SYN2: variants seen among roughly 807,000 people sequenced by gnomAD.
SYN2 encodes synapsin II.
Under a neutral mutation model 50.9 loss-of-function variants are expected in SYN2, and 19 were observed. The ratio of observed to expected loss-of-function variants is 0.37; its 90% CI spans 0.26 to 0.55. The LOEUF is 0.55. Ranked by LOEUF, SYN2 falls within the 20% of genes least tolerant of loss-of-function variation. The probability of loss-of-function intolerance (pLI) is 0.81; values close to 1 mark genes in which losing one functional copy is unlikely to be tolerated. For missense variants in SYN2, 587 were observed against 576.4 expected (o/e 1.02, Z -0.19); for synonymous variants, 255 against 224.9 (o/e 1.13, Z -1.20).
chr3:12,181,673 AG>A, intron 10 of SYN2, among the ~76,000 whole-genome samples: 1 of 152,234 alleles, frequency 6.6e-6, no homozygotes, highest in Admixed American at 6.5e-5. Flanking sequence ...ACTAGAAAAA[AG>A]GTTTAGGAGG....
chr3:12,080,615 G>C (rs757687292), intron 1 of SYN2, among the ~76,000 whole-genome samples: 2 of 152,148 alleles, frequency 1.3e-5, no homozygotes, highest in Non-Finnish European at 2.9e-5. Context: ...GTGTGGTTTT[G>C]AGTGAATTTC....
chr3:12,180,669 C>T (rs1033801323), intron 10 of SYN2, among the ~76,000 whole-genome samples: 5 of 152,168 alleles, frequency 3.3e-5, no homozygotes, highest in African/African-American at 9.7e-5. Context: ...TCAGTGGAGC[C>T]GGGGCCAAGA....
intron 1 of SYN2, among the ~76,000 whole-genome samples, chr3:12,042,910 C>T (rs1008849584): frequency 2.6e-5 from 4 of 152,250 alleles, no homozygotes; most frequent in Admixed American, 1.3e-4. Context: ...ATTGGATGGG[C>T]CCTACAGCCT....
At chr3:12,080,218 T>G (rs1022904234) in intron 1 of SYN2, among the ~76,000 whole-genome samples, 4 of 152,082 alleles carry the variant, frequency 2.6e-5, no homozygotes, top group Non-Finnish European at 2.9e-5. Flanking sequence ...TAGCTAGCAG[T>G]CTATTTTATG....
Position 12,141,978 on chromosome 3 carries a change from A to G in SYN2, c.509A>G (p.Asn170Ser). 1.3e-6 allele frequency: 1 copy of G among 780,746 alleles called. No individual in the cohort carries two copies. Among genetic ancestry groups the G allele is most frequent in the Non-Finnish European group, 2.4e-6 (1 of 417,962 alleles). 48.4% of individuals were successfully genotyped at this position (780,746 alleles called of 1,614,324 possible). A position where few individuals can be genotyped will look rare whatever the true frequency, so the allele number is the denominator to read the frequency against. Residue 170 changes from asparagine (N) to serine (S), a missense_variant, in exon 3 of 13, where the codon AAT (asparagine) becomes AGT (serine). Coordinates refer to ENST00000621198, the MANE Select transcript of SYN2 (RefSeq NM_133625.6). Reference sequence around the variant, plus strand: ...GCTGTGGATATGCAGGTTCTCCGGAATGGCACAAAGGTTGTCCGGTAAGGG... The same window carrying G: ...GCTGTGGATATGCAGGTTCTCCGGAGTGGCACAAAGGTTGTCCGGTAAGGG... ...TYAVDMQVLR[N>S]GTKVVRSFRP...
At chr3:12,154,446 C>T in intron 5 of SYN2, 1 of 1,614,062 alleles carries the variant, frequency 6.2e-7, no homozygotes, top group Non-Finnish European at 8.5e-7. Context: ...TCACTGAGGA[C>T]CTGACCTTCA....
At chr3:12,078,603 C>G (rs529725100) in intron 1 of SYN2, among the ~76,000 whole-genome samples, 2 of 152,208 alleles carry the variant, frequency 1.3e-5, no homozygotes, top group South Asian at 2.1e-4. Flanking sequence ...TGTCGAAGAT[C>G]AGGTGGTTGT....
At chr3:12,107,516 T>C (rs1248853057) in intron 1 of SYN2, among the ~76,000 whole-genome samples, 1 of 152,258 alleles carries the variant, frequency 6.6e-6, no homozygotes, top group Non-Finnish European at 1.5e-5. Flanking sequence ...AATGTAATTC[T>C]CTGCTTAGTT....
intron 1 of SYN2, among the ~76,000 whole-genome samples, chr3:12,124,296 A>AGG (rs1559429343): frequency 6.6e-6 from 1 of 152,166 alleles, no homozygotes; most frequent in Non-Finnish European, 1.5e-5. Flanking sequence ...GTGACATAGG[A>AGG]GGAGAGTAAA....
chr3:12,085,377 A>ACGCATG (rs1348366965), intron 1 of SYN2, among the ~76,000 whole-genome samples: 1 of 151,066 alleles, frequency 6.6e-6, no homozygotes, highest in Non-Finnish European at 1.5e-5. Flanking sequence ...ACACACACAC[A>ACGCATG]CACGCACGCA....
At chr3:12,032,520 A>G (rs1191837224) in intron 1 of SYN2, among the ~76,000 whole-genome samples, 1 of 33,692 alleles carries the variant, frequency 3.0e-5, no homozygotes, top group Admixed American at 4.7e-4. Flanking sequence ...AGGTACACCA[A>G]TCAGACGTAG....
intron 1 of SYN2, among the ~76,000 whole-genome samples, chr3:12,065,146 A>G (rs113771502): frequency 3.9e-5 from 6 of 152,180 alleles, no homozygotes; most frequent in Non-Finnish European, 5.9e-5. Context: ...AAAAATTTCA[A>G]TAAGGTACCA....
At chr3:12,065,292 T>A (rs535968863) in intron 1 of SYN2, among the ~76,000 whole-genome samples, 1 of 152,102 alleles carries the variant, frequency 6.6e-6, no homozygotes, top group Non-Finnish European at 1.5e-5. Flanking sequence ...GAAAACAGTT[T>A]GGAGAGTTCT....
chr3:12,116,408 A>C (rs907461376), intron 1 of SYN2, among the ~76,000 whole-genome samples: 1 of 152,186 alleles, frequency 6.6e-6, no homozygotes, highest in African/African-American at 2.4e-5. Context: ...AGATGACCTG[A>C]AACAAGAGTA....
intron 1 of SYN2, among the ~76,000 whole-genome samples, chr3:12,090,219 G>A (rs1167445047): frequency 3.3e-5 from 5 of 152,112 alleles, no homozygotes; most frequent in South Asian, 2.1e-4. Flanking sequence ...CTGATGAAGA[G>A]AGGAAGTCTC....
intron 1 of SYN2, among the ~76,000 whole-genome samples, chr3:12,036,798 G>T (rs1420300729): frequency 1.3e-5 from 2 of 152,076 alleles, no homozygotes; most frequent in Non-Finnish European, 2.9e-5. Context: ...TTTATTCTTT[G>T]CCTTTCCAGG....
At chr3:12,106,157 G>A (rs1345561302) in intron 1 of SYN2, among the ~76,000 whole-genome samples, 1 of 152,078 alleles carries the variant, frequency 6.6e-6, no homozygotes, top group Admixed American at 6.6e-5. Context: ...TTTTAGCCAG[G>A]GGCCACTCCC....
chr3:12,098,225 C>T (rs1695985704), intron 1 of SYN2, among the ~76,000 whole-genome samples: 1 of 152,080 alleles, frequency 6.6e-6, no homozygotes, highest in South Asian at 2.1e-4. Flanking sequence ...AGTGGGATGA[C>T]ACATTCAAAA....
intron 11 of SYN2, among the ~76,000 whole-genome samples, chr3:12,185,902 C>T (rs1206976773): frequency 2.0e-5 from 3 of 152,248 alleles, no homozygotes; most frequent in African/African-American, 7.2e-5. Flanking sequence ...GTGAAATAAT[C>T]TGCTAATCTA....
Sources: gnomAD v4.1 joint callset for allele counts (sites outside exome capture counted in the v4.1 genomes callset) on GRCh38, gnomAD v4.1.1 for gene constraint, MANE v1.5 for transcripts, NCBI Gene and HGNC (gene_info 2026-07-23, HGNC 2026-07-21) for gene names.